Variants in GALNT18 observed in about 807,000 individuals in gnomAD.
The protein encoded by GALNT18 is polypeptide N-acetylgalactosaminyltransferase 18.
Under a neutral mutation model 69.5 loss-of-function variants are expected in GALNT18, and 44 were observed. The observed-to-expected ratio is 0.63, with a 90% CI of 0.50 to 0.81. The LOEUF is 0.81. Ranked by LOEUF, GALNT18 falls within the 40% of genes least tolerant of loss-of-function variation. The pLI is 0.00. For synonymous variants in GALNT18, 364 were observed against 318.2 expected (o/e 1.14, Z -1.53); for missense variants, 715 against 810.0 (o/e 0.88, Z 1.42).
chr11:11,553,450 AG>A (rs1055581260), intron 1 of GALNT18, among the ~76,000 whole-genome samples: 8 of 152,314 alleles, frequency 5.3e-5, no homozygotes, highest in Non-Finnish European at 1.2e-4. Flanking sequence ...GTCTTGTCCC[AG>A]GGCATGGACG....
At chr11:11,535,847 C>T (rs902908655) in intron 1 of GALNT18, among the ~76,000 whole-genome samples, 1 of 152,208 alleles carries the variant, frequency 6.6e-6, no homozygotes, top group African/African-American at 2.4e-5. Context: ...TGTCCTGCTC[C>T]CTGGGGCCTC....
chr11:11,400,114 T>C (rs890918534), intron 3 of GALNT18, among the ~76,000 whole-genome samples: 3 of 152,158 alleles, frequency 2.0e-5, no homozygotes, highest in Admixed American at 6.5e-5. Context: ...TTGGACACTC[T>C]CTCTTGGATC....
rs567029145 is a variant in GALNT18, at chr11:11,605,642, G to A, written c.235+15717C>T. Among the ~76,000 whole-genome samples the A allele has an allele frequency of 9.2e-5, 14 of 152,066 alleles. No homozygotes were observed. Among genetic ancestry groups the A allele is most frequent in the Non-Finnish European group, 1.9e-4 (13 of 68,020 alleles). On this transcript the variant is annotated intron_variant, in intron 1 of 10. Coordinates refer to ENST00000227756, the MANE Select transcript of GALNT18 (RefSeq NM_198516.3). The surrounding 1 kb of genome is among the most constrained non-coding windows in gnomAD (Gnocchi z 4.7). ...TTTCTCCTTTCTAGTGACTCTTCAGGTGTCAATTAAAATGACTTCAATGCT... is the reference window on the plus strand; with the variant it reads ...TTTCTCCTTTCTAGTGACTCTTCAGATGTCAATTAAAATGACTTCAATGCT...
rs7943717 is a variant in GALNT18, at chr11:11,488,437, C to A, written c.236-39501G>T. Among the ~76,000 whole-genome samples, 2 of 151,628 alleles carry A rather than the reference C, an allele frequency of 1.3e-5. 1 individual carries two copies. Among genetic ancestry groups the A allele is most frequent in the Non-Finnish European group, 2.9e-5 (2 of 67,988 alleles). ...TTTTGCTTGTTAAGACTCTTGTGGA[C>A]GATCCAGGATAACCTTCCCAACTCA... On this transcript the variant is annotated intron_variant, in intron 1 of 10. Transcript: ENST00000227756.
In GALNT18 at chr11:11,293,430, C is replaced by A. The variant is rs189015346; in HGVS notation, c.1513-237G>T. ...CTGTATAACTACAAGAAATAAAACA[C>A]CCTTACATATGTAATATACACTGAT... On this transcript the variant is annotated intron_variant, in intron 9 of 10. Transcript: ENST00000227756. Among the ~76,000 whole-genome samples the A allele has an allele frequency of 4.6e-3, 707 of 152,240 alleles. 8 individuals carry two copies. The highest frequency in any genetic ancestry group is 0.043 in the South Asian group (207 of 4,826).
chr11:11,577,403 T>A (rs1858952753), intron 1 of GALNT18, among the ~76,000 whole-genome samples: 2 of 152,020 alleles, frequency 1.3e-5, no homozygotes, highest in Non-Finnish European at 2.9e-5. Flanking sequence ...CTCTGAACCT[T>A]CTCCGTCCAC....
At chr11:11,567,005 T>C (rs1317950632) in intron 1 of GALNT18, among the ~76,000 whole-genome samples, 1 of 152,236 alleles carries the variant, frequency 6.6e-6, no homozygotes, top group Non-Finnish European at 1.5e-5. Flanking sequence ...CCTGAATTCC[T>C]GCTCTCCTTA....
In GALNT18 at chr11:11,583,476, A is replaced by G. The variant is rs1859136116; in HGVS notation, c.235+37883T>C. 6.6e-6 allele frequency among the ~76,000 whole-genome samples: 1 copy of G among 152,176 alleles called. No homozygotes were observed. The highest frequency in any genetic ancestry group is 1.5e-5 in the Non-Finnish European group (1 of 68,020). On this transcript the variant is annotated intron_variant, in intron 1 of 10. Transcript: ENST00000227756. The surrounding 1 kb of genome is among the most constrained non-coding windows in gnomAD (Gnocchi z 4.7). ...TGAAAATAAAATCCACGGGGTAAAA[A>G]GGTTTCTAGCTCTGTTTCTGGCTGG...
At chr11:11,328,889 T>C (rs761344130) in intron 8 of GALNT18, among the ~76,000 whole-genome samples, 3 of 152,184 alleles carry the variant, frequency 2.0e-5, no homozygotes, top group Non-Finnish European at 4.4e-5. Flanking sequence ...AGCCCTGATA[T>C]TAGACTTGGC....
In GALNT18 at chr11:11,586,825, CACACACACAA is replaced by C. The variant is rs1408908350; in HGVS notation, c.235+34524_235+34533del. 1.3e-5 allele frequency among the ~76,000 whole-genome samples: 1 copy of C among 75,364 alleles called. No individual in the cohort carries two copies. The highest frequency in any genetic ancestry group is 3.3e-5 in the Non-Finnish European group (1 of 30,248). 49.4% of individuals were successfully genotyped at this position (75,364 alleles called of 152,430 possible). ...ACCATCTCTACTAAAAACACACACACACACACACAAAAAAAAGCCAGGTGTGGTGGCGGGC... is the reference window on the plus strand; with the variant it reads ...ACCATCTCTACTAAAAACACACACACAAAAAAGCCAGGTGTGGTGGCGGGC... On this transcript the variant is annotated intron_variant, in intron 1 of 10. Transcript: ENST00000227756. The surrounding 1 kb of genome is among the most constrained non-coding windows in gnomAD (Gnocchi z 4.1).
At position 11,292,951 on chromosome 11, in the gene GALNT18, C is replaced by T. The variant is rs113081593; in HGVS notation, c.1677+78G>A. ...CTCCTTCCCCTTCCCCTCTCCTCCACCACCTCCCTGGCCCCTGAGGCCACT... is the reference window on the plus strand; with the variant it reads ...CTCCTTCCCCTTCCCCTCTCCTCCATCACCTCCCTGGCCCCTGAGGCCACT... On this transcript the variant is annotated intron_variant, in intron 10 of 10. Coordinates refer to ENST00000227756, the MANE Select transcript of GALNT18 (RefSeq NM_198516.3). 640 of 1,283,320 alleles carry T rather than the reference C, an allele frequency of 5.0e-4. 5 individuals are homozygous for T. In the African/African-American group the frequency reaches 8.5e-3, roughly 17 times the overall value. The allele number at this position is 1,283,320 out of a possible 1,614,324, so 79.5% of individuals were successfully genotyped here.
At chr11:11,394,182 C>T (rs937963255) in intron 3 of GALNT18, among the ~76,000 whole-genome samples, 5 of 152,150 alleles carry the variant, frequency 3.3e-5, no homozygotes, top group Non-Finnish European at 5.9e-5. Flanking sequence ...GCAAGTTTTA[C>T]AGAATGTTAT....
chr11:11,273,184 A>G (rs1487240809), intron 10 of GALNT18, among the ~76,000 whole-genome samples: 3 of 150,904 alleles, frequency 2.0e-5, no homozygotes, highest in Non-Finnish European at 4.4e-5. Flanking sequence ...CAGGCAACCA[A>G]AGCAAAAATG....
chr11:11,424,985 T>C (rs1288225569), intron 3 of GALNT18, among the ~76,000 whole-genome samples: 2 of 151,912 alleles, frequency 1.3e-5, no homozygotes, highest in African/African-American at 4.8e-5. Context: ...GAGGATGTGG[T>C]CTTCTGTGGG....
At chr11:11,556,933 T>C (rs1225424456) in intron 1 of GALNT18, among the ~76,000 whole-genome samples, 1 of 152,162 alleles carries the variant, frequency 6.6e-6, no homozygotes, top group East Asian at 1.9e-4. Flanking sequence ...ATGTTGAAAA[T>C]GTTGAACAAA....
chr11:11,427,435 C>T (rs917653989), intron 3 of GALNT18, among the ~76,000 whole-genome samples: 3 of 152,220 alleles, frequency 2.0e-5, no homozygotes, highest in Non-Finnish European at 2.9e-5. Flanking sequence ...CCAGCATGCA[C>T]GGAACCAGTA....
At position 11,617,109 on chromosome 11, in the gene GALNT18, C is replaced by T. The variant is rs746641472; in HGVS notation, c.235+4250G>A. ...GTTTGTGCAAGGAAGATGAACAGGACGCCAATTGGCAGATGCATCCCAAAG... is the reference window on the plus strand; with the variant it reads ...GTTTGTGCAAGGAAGATGAACAGGATGCCAATTGGCAGATGCATCCCAAAG... On this transcript the variant is annotated intron_variant, in intron 1 of 10. Transcript: ENST00000227756. The surrounding 1 kb of genome is among the most constrained non-coding windows in gnomAD (Gnocchi z 4.7). 1.6e-4 allele frequency among the ~76,000 whole-genome samples: 24 copies of T among 152,134 alleles called. No homozygotes were observed. The highest frequency in any genetic ancestry group is 3.8e-4 in the East Asian group (2 of 5,204).
At position 11,465,744 on chromosome 11, in the gene GALNT18, A is replaced by G. The variant is rs1356336989; in HGVS notation, c.236-16808T>C. Among the ~76,000 whole-genome samples the G allele has an allele frequency of 2.0e-5, 3 of 152,132 alleles. No homozygotes were observed. The highest frequency in any genetic ancestry group is 7.2e-5 in the African/African-American group (3 of 41,410). On this transcript the variant is annotated intron_variant, in intron 1 of 10. Coordinates refer to ENST00000227756, the MANE Select transcript of GALNT18 (RefSeq NM_198516.3). This position sits in a 1 kb window ranked among gnomAD's most constrained non-coding sequence, Gnocchi z 5.7. Reference sequence around the variant, plus strand: ...GACCTGGGCAAGGTCAGCTGGCTCCATATTAACCTCTTCTCCTCTGCCAGG... The same window carrying G: ...GACCTGGGCAAGGTCAGCTGGCTCCGTATTAACCTCTTCTCCTCTGCCAGG...
At chr11:11,293,441 G>C (rs1849340629) in intron 9 of GALNT18, among the ~76,000 whole-genome samples, 1 of 151,046 alleles carries the variant, frequency 6.6e-6, no homozygotes, top group East Asian at 1.9e-4. Context: ...CCTTACATAT[G>C]TAATATACAC....
Sources: gnomAD v4.1 joint callset for allele counts (sites outside exome capture counted in the v4.1 genomes callset) on GRCh38, gnomAD v4.1.1 for gene constraint, Gnocchi (gnomAD v3.1) non-coding constraint, MANE v1.5 for transcripts, NCBI Gene and HGNC (gene_info 2026-07-23, HGNC 2026-07-21) for gene names.